Variants in FGF12 observed in about 807,000 individuals in gnomAD.
The protein encoded by FGF12 is fibroblast growth factor 12B.
FGF12 carries 14 observed loss-of-function variants against 23.6 expected under a neutral mutation model. The observed-to-expected ratio is 0.59, with a 90% CI of 0.39 to 0.93. The LOEUF is 0.93. Ranked by LOEUF, FGF12 falls within the 40% of genes least tolerant of loss-of-function variation. FGF12 has a pLI of 0.00. For synonymous variants in FGF12, 62 were observed against 77.3 expected (o/e 0.80, Z 1.04); for missense variants, 175 against 217.8 (o/e 0.80, Z 1.24).
chr3:192,191,848 A>T (rs1716810643), intron 4 of FGF12, among the ~76,000 whole-genome samples: 1 of 152,108 alleles, frequency 6.6e-6, no homozygotes, highest in African/African-American at 2.4e-5. Context: ...AAAAAAAAAA[A>T]AGCCTTTAAA....
At chr3:192,178,662 AT>A (rs992752822) in intron 4 of FGF12, among the ~76,000 whole-genome samples, 83 of 152,046 alleles carry the variant, frequency 5.5e-4, no homozygotes, top group African/African-American at 1.9e-3. Context: ...CCATGCCTTA[AT>A]TTTTTTGTAT....
intron 4 of FGF12, among the ~76,000 whole-genome samples, chr3:192,276,144 G>A (rs547425369): frequency 8.5e-5 from 13 of 152,300 alleles, no homozygotes; most frequent in Admixed American, 7.2e-4. Context: ...AAAAGCAAAC[G>A]TGGAAACAAA....
intron 2 of FGF12, among the ~76,000 whole-genome samples, chr3:192,548,060 A>G (rs550926279): frequency 3.3e-5 from 5 of 152,302 alleles, no homozygotes; most frequent in African/African-American, 9.6e-5. Context: ...CTTTCTTAGC[A>G]TACTTCAAAA....
chr3:192,587,039 C>T (rs759688001), intron 2 of FGF12, among the ~76,000 whole-genome samples: 10 of 151,998 alleles, frequency 6.6e-5, no homozygotes, highest in Non-Finnish European at 1.5e-4. Context: ...GGGGTCTACT[C>T]AGAATATATA....
intron 4 of FGF12, among the ~76,000 whole-genome samples, chr3:192,227,168 C>T (rs1420339122): frequency 1.3e-5 from 2 of 152,106 alleles, no homozygotes; most frequent in Non-Finnish European, 2.9e-5. Flanking sequence ...CAGACTTAAA[C>T]ACATACATAT....
intron 2 of FGF12, among the ~76,000 whole-genome samples, chr3:192,399,975 A>T (rs1720689596): frequency 6.6e-6 from 1 of 152,198 alleles, no homozygotes; most frequent in South Asian, 2.1e-4. Context: ...AGGATACCCA[A>T]CCGGAGGATC....
rs1190967528 is a variant in FGF12 at position 192,589,560 on chromosome 3, T to A, written c.13+137621A>T. 1.3e-5 allele frequency among the ~76,000 whole-genome samples: 2 copies of A among 151,806 alleles called. 1 individual carries two copies. The highest frequency in any genetic ancestry group is 2.9e-5 in the Non-Finnish European group (2 of 67,908). ...TCATCAAATTCTATCAACTTATTTC[T>A]AGGCTTAAATCTCATCAGCAAGTCC... On this transcript the variant is annotated intron_variant, in intron 2 of 5. Transcript: ENST00000445105.
chr3:192,158,367 T>TTTTCTTTCTTTCTTTC, intron 5 of FGF12, among the ~76,000 whole-genome samples: 1 of 122,552 alleles, frequency 8.2e-6, no homozygotes, highest in African/African-American at 3.2e-5. Context: ...TCTTTCTTTC[T>TTTTCTTTCTTTCTTTC]TTCTTTCTTT....
chr3:192,174,703 T>A lies in FGF12; in HGVS notation c.229-4047A>T, dbSNP rs1171272813. Among the ~76,000 whole-genome samples the A allele has an allele frequency of 4.6e-5, 7 of 151,892 alleles. No homozygotes were observed. In the East Asian group the frequency reaches 1.4e-3, roughly 29 times the overall value. The stretch of plus-strand genomic sequence containing the variant: ...CATTGTATTTGCTATTATGCCTCTT[T>A]TTTTTTTGTAATGAGAAATCAGAGC... On this transcript the variant is annotated intron_variant, in intron 4 of 5. Coordinates refer to ENST00000445105, the MANE Select transcript of FGF12 (RefSeq NM_004113.6).
At chr3:192,562,820 G>A (rs1712105318) in intron 2 of FGF12, among the ~76,000 whole-genome samples, 1 of 151,570 alleles carries the variant, frequency 6.6e-6, no homozygotes, top group African/African-American at 2.4e-5. Context: ...TGCTATGAGA[G>A]AAGCTATGTT....
intron 2 of FGF12, among the ~76,000 whole-genome samples, chr3:192,480,237 C>T (rs146438700): frequency 6.6e-6 from 1 of 152,162 alleles, no homozygotes; most frequent in Non-Finnish European, 1.5e-5. Flanking sequence ...CGTAAGACTT[C>T]GCAAAGGAAC....
In FGF12 at chr3:192,184,653, C is replaced by T. The variant is rs75915009; in HGVS notation, c.229-13997G>A. Among the ~76,000 whole-genome samples the T allele has an allele frequency of 2.5e-3, 379 of 152,312 alleles. 1 individual carries two copies. Among genetic ancestry groups the T allele is most frequent in the African/African-American group, 8.8e-3 (365 of 41,562 alleles). On this transcript the variant is annotated intron_variant, in intron 4 of 5. Transcript: ENST00000445105. Reference sequence around the variant, plus strand: ...GCTACCTAATGATGCTATCAATGCACATTTTGAGTTCATTTGTGATTCAGA... The same window carrying T: ...GCTACCTAATGATGCTATCAATGCATATTTTGAGTTCATTTGTGATTCAGA...
intron 2 of FGF12, among the ~76,000 whole-genome samples, chr3:192,479,895 T>A (rs1221272095): frequency 6.6e-6 from 1 of 151,860 alleles, no homozygotes; most frequent in East Asian, 1.9e-4. Flanking sequence ...GCATATACAA[T>A]CAGGAATTTT....
intron 2 of FGF12, among the ~76,000 whole-genome samples, chr3:192,529,910 C>T (rs886518904): frequency 6.6e-6 from 1 of 152,108 alleles, no homozygotes; most frequent in African/African-American, 2.4e-5. Context: ...GGGGTCACAG[C>T]CAAACCATAT....
At chr3:192,254,145 T>A (rs1398477176) in intron 4 of FGF12, among the ~76,000 whole-genome samples, 1 of 151,886 alleles carries the variant, frequency 6.6e-6, no homozygotes, top group Non-Finnish European at 1.5e-5. Flanking sequence ...CAAACTGAAA[T>A]TTTGTATCCT....
chr3:192,161,488 G>T (rs920863972), intron 5 of FGF12, among the ~76,000 whole-genome samples: 1 of 138,772 alleles, frequency 7.2e-6, no homozygotes, highest in Non-Finnish European at 1.5e-5. Context: ...TAACTTTAAG[G>T]AATGACAACG....
In FGF12 at chr3:192,727,197, G is replaced by A. The variant is rs929161777; in HGVS notation, c.-4C>T. On this transcript the variant is annotated 5_prime_UTR_variant, in exon 2 of 6. Transcript: ENST00000445105. The stretch of plus-strand genomic sequence containing the variant: ...ACCACATACCTTTGCTCTCCATTTC[G>A]GTCCCTTTCGAGTGCTGGGAAGTTC... 2 of 1,579,024 alleles carry A rather than the reference G, an allele frequency of 1.3e-6. No individual in the cohort carries two copies. The highest frequency in any genetic ancestry group is 1.3e-5 in the African/African-American group (1 of 74,156).
chr3:192,229,614 C>T (rs1025318999), intron 4 of FGF12, among the ~76,000 whole-genome samples: 8 of 152,152 alleles, frequency 5.3e-5, no homozygotes, highest in African/African-American at 1.9e-4. Context: ...AAATTAATTA[C>T]AGATCCTGGA....
intron 3 of FGF12, among the ~76,000 whole-genome samples, chr3:192,340,575 T>C (rs969303423): frequency 1.4e-4 from 21 of 152,202 alleles, no homozygotes; most frequent in Non-Finnish European, 2.9e-4. Context: ...GAGTATCTTG[T>C]TCTACATCTT....
Sources: allele counts gnomAD v4.1 joint callset (sites outside exome capture counted in the v4.1 genomes callset), GRCh38; gene constraint gnomAD v4.1.1; transcripts MANE v1.5; gene names NCBI Gene and HGNC (gene_info 2026-07-23, HGNC 2026-07-21).